Variants in PLD5 observed in about 807,000 individuals in gnomAD.
PLD5 encodes the protein phospholipase D family member 5.
Under a neutral mutation model 61.1 loss-of-function variants are expected in PLD5, and 36 were observed. That is an observed-to-expected ratio of 0.59 (90% CI 0.45 to 0.78). The LOEUF (loss-of-function observed/expected upper bound fraction) is 0.78, where lower values mean the gene tolerates loss of function less well. Ranked by LOEUF, PLD5 falls within the 30% of genes least tolerant of loss-of-function variation. The pLI, the probability that PLD5 is intolerant of heterozygous loss-of-function variation, is 0.00. For synonymous variants in PLD5, 243 were observed against 242.8 expected (o/e 1.00, Z -0.01); for missense variants, 515 against 644.4 (o/e 0.80, Z 2.17).
intron 1 of PLD5, among the ~76,000 whole-genome samples, chr1:242,426,193 A>G (rs920939638): frequency 5.9e-5 from 9 of 151,916 alleles, no homozygotes; most frequent in Non-Finnish European, 1.3e-4. Context: ...CCACCTCCAC[A>G]TCTTATCCCA....
chr1:242,115,566 A>G (rs1661877693), intron 6 of PLD5, among the ~76,000 whole-genome samples: 2 of 152,094 alleles, frequency 1.3e-5, no homozygotes, highest in Non-Finnish European at 2.9e-5. Flanking sequence ...ACACGCACAC[A>G]CACTGCACAT....
chr1:242,172,450 A>G (rs912123609), intron 5 of PLD5, among the ~76,000 whole-genome samples: 7 of 152,214 alleles, frequency 4.6e-5, no homozygotes, highest in African/African-American at 1.4e-4. Flanking sequence ...CGACACCCTA[A>G]CATCACAATT....
chr1:242,128,893 A>T (rs1439137302), intron 5 of PLD5, among the ~76,000 whole-genome samples: 3 of 152,198 alleles, frequency 2.0e-5, no homozygotes, highest in Admixed American at 1.3e-4. Context: ...ATGAAAAGGC[A>T]CAGGCAAATA....
chr1:242,407,983 C>A (rs1664338902), intron 1 of PLD5, among the ~76,000 whole-genome samples: 1 of 152,160 alleles, frequency 6.6e-6, no homozygotes, highest in African/African-American at 2.4e-5. Flanking sequence ...CTGCACGTAG[C>A]TATTAATATT....
rs57043354 is a variant in PLD5, at chr1:242,516,250, T to TTATATATATATATATATA, written c.189+7820_189+7837dup. Among the ~76,000 whole-genome samples, 145 of 138,540 alleles carry TTATATATATATATATATA rather than the reference T, an allele frequency of 1.0e-3. 1 individual carries two copies. Among genetic ancestry groups the TTATATATATATATATATA allele is most frequent in the African/African-American group, 3.6e-3 (134 of 36,720 alleles). 90.9% of individuals were successfully genotyped at this position (138,540 alleles called of 152,430 possible). ...AAAAATATATTCTTCTAAAGTTAAA[T>TTATATATATATATATATA]TATATATATATATATATATATATAT... On this transcript the variant is annotated intron_variant, in intron 1 of 9. Coordinates refer to ENST00000536534, the MANE Select transcript of PLD5 (RefSeq NM_001372062.1).
At chr1:242,242,044 C>A (rs1340555333) in intron 4 of PLD5, among the ~76,000 whole-genome samples, 1 of 142,206 alleles carries the variant, frequency 7.0e-6, no homozygotes, top group Admixed American at 7.1e-5. Flanking sequence ...CACACACACA[C>A]ATATGGTTGA....
chr1:242,096,663 G>A (rs1574285549), intron 9 of PLD5, among the ~76,000 whole-genome samples: 1 of 141,894 alleles, frequency 7.0e-6, no homozygotes, highest in Non-Finnish European at 1.6e-5. Context: ...TTGGTTGTTT[G>A]TTTGTTTTAA....
At chr1:242,365,652 G>C (rs879286140) in intron 1 of PLD5, 1 of 165,494 alleles carries the variant, frequency 6.0e-6, no homozygotes, top group Non-Finnish European at 1.3e-5. Flanking sequence ...TCCAGATGAC[G>C]AAGGTGCTGT....
chr1:242,291,739 G>A (rs1675380015), intron 2 of PLD5, among the ~76,000 whole-genome samples: 1 of 152,068 alleles, frequency 6.6e-6, no homozygotes, highest in Non-Finnish European at 1.5e-5. Context: ...CCTGGGAGGT[G>A]GAGCTTGCAG....
intron 5 of PLD5, among the ~76,000 whole-genome samples, chr1:242,176,240 A>G (rs952941108): frequency 3.3e-5 from 5 of 152,214 alleles, no homozygotes; most frequent in African/African-American, 9.6e-5. Flanking sequence ...AAACAGACAT[A>G]TAGAACAATG....
chr1:242,322,767 T>A (rs1898897), intron 2 of PLD5, among the ~76,000 whole-genome samples: 4 of 152,206 alleles, frequency 2.6e-5, no homozygotes, highest in Admixed American at 2.0e-4. Flanking sequence ...CTTTGCCTTT[T>A]GCCACAAGTG....
At chr1:242,363,722 C>G (rs1466839064) in intron 1 of PLD5, among the ~76,000 whole-genome samples, 6 of 151,984 alleles carry the variant, frequency 3.9e-5, no homozygotes, top group African/African-American at 1.5e-4. Context: ...AAAACAAATA[C>G]TGTAACTATA....
At position 242,306,042 on chromosome 1, in the gene PLD5, C is replaced by A. The variant is rs185835985; in HGVS notation, c.327-17512G>T. ...TCTCAGAGGTCAAATGTTGTGTGTA[C>A]CCACAAAGGCTGGACTCTAGGCCCT... On this transcript the variant is annotated intron_variant, in intron 2 of 9. Coordinates refer to ENST00000536534, the MANE Select transcript of PLD5 (RefSeq NM_001372062.1). 5.0e-4 allele frequency among the ~76,000 whole-genome samples: 76 copies of A among 152,186 alleles called. 1 individual carries two copies. The highest frequency in any genetic ancestry group is 1.1e-3 in the Admixed American group (17 of 15,282).
At chr1:242,110,470 T>A (rs1276688779) in intron 7 of PLD5, among the ~76,000 whole-genome samples, 4 of 152,112 alleles carry the variant, frequency 2.6e-5, no homozygotes, top group African/African-American at 9.7e-5. Flanking sequence ...GTTGAGATCA[T>A]ATGCTGTTCA....
intron 5 of PLD5, among the ~76,000 whole-genome samples, chr1:242,128,805 C>T (rs141992743): frequency 1.3e-5 from 2 of 152,150 alleles, no homozygotes; most frequent in East Asian, 1.9e-4. Flanking sequence ...ACTAGCTCCA[C>T]CACGGGCAAG....
intron 1 of PLD5, among the ~76,000 whole-genome samples, chr1:242,502,690 C>T (rs916886427): frequency 4.0e-5 from 6 of 151,058 alleles, no homozygotes; most frequent in East Asian, 3.9e-4. Context: ...TGTGTATGTG[C>T]GTGTGTGTGT....
intron 5 of PLD5, among the ~76,000 whole-genome samples, chr1:242,191,245 T>C (rs574641391): frequency 6.6e-6 from 1 of 151,890 alleles, no homozygotes; most frequent in South Asian, 2.1e-4. Flanking sequence ...TTAGAAACTA[T>C]AGTTTTGAGA....
intron 1 of PLD5, among the ~76,000 whole-genome samples, chr1:242,482,406 C>T (rs564850213): frequency 5.3e-5 from 8 of 152,148 alleles, no homozygotes; most frequent in African/African-American, 1.4e-4. Context: ...AACTATGTGA[C>T]GAATGCACAA....
At chr1:242,428,316 T>C (rs1022069033) in intron 1 of PLD5, among the ~76,000 whole-genome samples, 3 of 152,224 alleles carry the variant, frequency 2.0e-5, no homozygotes, top group African/African-American at 7.2e-5. Context: ...AATCCAATTG[T>C]AGAGTCTCAC....
Sources: gnomAD v4.1 joint callset for allele counts (sites outside exome capture counted in the v4.1 genomes callset) on GRCh38, gnomAD v4.1.1 for gene constraint, MANE v1.5 for transcripts, NCBI Gene and HGNC (gene_info 2026-07-23, HGNC 2026-07-21) for gene names.